RHOBTB1: variants seen among roughly 807,000 people sequenced by gnomAD.
RHOBTB1 encodes the protein Rho related BTB domain containing 1.
A neutral mutation model predicts 71.6 loss-of-function variants in RHOBTB1; 40 were observed. The observed-to-expected ratio is 0.56, with a 90% CI of 0.43 to 0.73. The LOEUF is 0.73. Among genes scored for constraint, RHOBTB1 ranks in the 30% least tolerant of loss-of-function variants. RHOBTB1 has a pLI of 0.00. For missense variants in RHOBTB1, 797 were observed against 894.0 expected (o/e 0.89, Z 1.38); for synonymous variants, 319 against 334.9 (o/e 0.95, Z 0.52).
At position 60,886,111 on chromosome 10, in the gene RHOBTB1, C is replaced by G. The variant is rs1295974020; in HGVS notation, c.1575+1G>C. The G allele has an allele frequency of 1.2e-6, 2 of 1,607,408 alleles. No individual in the cohort carries two copies. The highest frequency in any genetic ancestry group is 1.7e-6 in the Non-Finnish European group (2 of 1,174,060). On this transcript the variant is annotated splice_donor_variant, in intron 7 of 10. Coordinates refer to ENST00000337910, the MANE Select transcript of RHOBTB1 (RefSeq NM_014836.5). LOFTEE classifies it high-confidence loss of function. Reference sequence around the variant, plus strand: ...CACTATGCTTTTAGGAAGGCACGTACCTCACTGTTGGCACTTTCCACAAAT... The same window carrying G: ...CACTATGCTTTTAGGAAGGCACGTAGCTCACTGTTGGCACTTTCCACAAAT...
At chr10:60,889,866 G>T (rs148777946) in intron 5 of RHOBTB1, among the ~76,000 whole-genome samples, 4 of 152,324 alleles carry the variant, frequency 2.6e-5, no homozygotes, top group East Asian at 1.9e-4. Flanking sequence ...TTTGTCGACA[G>T]TAAGTGCCTG....
chr10:60,918,647 G>A (rs1449124364), intron 2 of RHOBTB1, among the ~76,000 whole-genome samples: 1 of 152,180 alleles, frequency 6.6e-6, no homozygotes, highest in Non-Finnish European at 1.5e-5. Flanking sequence ...AACCCCACTA[G>A]GGGTCTCCTA....
chr10:60,926,046 C>T (rs1359374310), intron 2 of RHOBTB1, among the ~76,000 whole-genome samples: 1 of 152,020 alleles, frequency 6.6e-6, no homozygotes, highest in Non-Finnish European at 1.5e-5. Context: ...GCCGGACCAA[C>T]ATGGTGCACC....
At chr10:60,929,127 T>C (rs1216748373) in intron 2 of RHOBTB1, among the ~76,000 whole-genome samples, 2 of 152,088 alleles carry the variant, frequency 1.3e-5, no homozygotes, top group African/African-American at 4.8e-5. Flanking sequence ...TTCAATCACC[T>C]CCCACCAGGC....
intron 2 of RHOBTB1, among the ~76,000 whole-genome samples, chr10:60,962,572 T>C (rs2085819811): frequency 6.6e-6 from 1 of 152,190 alleles, no homozygotes; most frequent in Non-Finnish European, 1.5e-5. Flanking sequence ...AAGCAAATTA[T>C]ATAGTATTTT....
downstream of RHOBTB1, among the ~76,000 whole-genome samples, chr10:60,868,131 A>G (rs2080647898): frequency 6.6e-6 from 1 of 152,086 alleles, no homozygotes; most frequent in African/African-American, 2.4e-5. Context: ...ACACATAGAC[A>G]TACAACACAA....
chr10:60,895,565 C>T (rs1250374585), intron 4 of RHOBTB1, among the ~76,000 whole-genome samples: 3 of 152,096 alleles, frequency 2.0e-5, no homozygotes, highest in South Asian at 2.1e-4. Flanking sequence ...CCACCATGCC[C>T]GGCTAATTTT....
chr10:60,872,819 T>C (rs141577627), intron 9 of RHOBTB1, among the ~76,000 whole-genome samples: 242 of 152,176 alleles, frequency 1.6e-3, no homozygotes, highest in African/African-American at 5.7e-3. Context: ...ATCCAGATAC[T>C]CCACCCTTCC....
downstream of RHOBTB1, among the ~76,000 whole-genome samples, chr10:60,867,873 T>C (rs1181096736): frequency 2.0e-5 from 3 of 152,202 alleles, no homozygotes; most frequent in Non-Finnish European, 4.4e-5. Context: ...ATGATGCATA[T>C]ATCACCTGCT....
At chr10:60,950,234 AT>A (rs1219353325) in intron 2 of RHOBTB1, among the ~76,000 whole-genome samples, 4 of 152,246 alleles carry the variant, frequency 2.6e-5, no homozygotes, top group Non-Finnish European at 5.9e-5. Flanking sequence ...AATTTAATGT[AT>A]AATGTGTATC....
rs143150912 is a variant in RHOBTB1, at chr10:60,920,718, C to T, written c.-10-9166G>A. ...AGGCTAGAGTGCAGTGGCACAATCT[C>T]GGCTCACTGCAACCCCTACCTCCAC... On this transcript the variant is annotated intron_variant, in intron 2 of 10. Transcript: ENST00000337910. 3.5e-3 allele frequency among the ~76,000 whole-genome samples: 525 copies of T among 151,676 alleles called. 7 individuals are homozygous for T. The highest frequency in any genetic ancestry group is 0.011 in the African/African-American group (475 of 41,352).
chr10:60,990,726 G>C (rs1284747085), intron 1 of RHOBTB1, among the ~76,000 whole-genome samples: 1 of 152,084 alleles, frequency 6.6e-6, no homozygotes, highest in African/African-American at 2.4e-5. Context: ...GCCATTATGG[G>C]TTTGATTTCC....
At chr10:60,896,967 C>CA (rs1291261530) in intron 4 of RHOBTB1, among the ~76,000 whole-genome samples, 3 of 149,360 alleles carry the variant, frequency 2.0e-5, no homozygotes, top group Non-Finnish European at 4.5e-5. Flanking sequence ...TTTAAACAAA[C>CA]AAAAAAAAGC....
chr10:60,984,995 A>C (rs2086614891), intron 2 of RHOBTB1, among the ~76,000 whole-genome samples: 1 of 152,198 alleles, frequency 6.6e-6, no homozygotes, highest in African/African-American at 2.4e-5. Context: ...TGAAGTTACT[A>C]TATGTAGTTA....
chr10:60,985,700 C>A (rs1020235106), intron 2 of RHOBTB1: 1 of 152,090 alleles, frequency 6.6e-6, no homozygotes, highest in African/African-American at 2.4e-5. Flanking sequence ...CGAAATATTT[C>A]TATTTTTTGT....
At chr10:60,913,816 T>C (rs2083121963) in intron 2 of RHOBTB1, among the ~76,000 whole-genome samples, 1 of 152,204 alleles carries the variant, frequency 6.6e-6, no homozygotes, top group Non-Finnish European at 1.5e-5. Context: ...CATTGGACTT[T>C]GGGCAAGTTG....
chr10:60,994,817 A>G (rs570015285), intron 1 of RHOBTB1, among the ~76,000 whole-genome samples: 53 of 152,230 alleles, frequency 3.5e-4, no homozygotes, highest in African/African-American at 1.3e-3. Context: ...TAAGTTTATG[A>G]GCCAAGTAAA....
Position 60,927,538 on chromosome 10 carries a change from AG to A in RHOBTB1, c.-11+14265del, listed in dbSNP as rs1265830913. On this transcript the variant is annotated intron_variant, in intron 2 of 10. Coordinates refer to ENST00000337910, the MANE Select transcript of RHOBTB1 (RefSeq NM_014836.5). ...GACACACTGACCAATGGAAGAGAATAGAGAACCCAGAAAAAAATTCCCACAT... is the reference window on the plus strand; with the variant it reads ...GACACACTGACCAATGGAAGAGAATAAGAACCCAGAAAAAAATTCCCACAT... Among the ~76,000 whole-genome samples the A allele has an allele frequency of 2.6e-5, 4 of 152,216 alleles. No homozygotes were observed. The East Asian group carries it at 7.7e-4, about 29-fold the overall frequency.
At chr10:60,997,292 G>A (rs1589486676) in intron 1 of RHOBTB1, among the ~76,000 whole-genome samples, 2 of 152,148 alleles carry the variant, frequency 1.3e-5, no homozygotes, top group South Asian at 2.1e-4. Context: ...TGAGATCTTC[G>A]GACCATTTGA....
Sources: gnomAD v4.1 joint callset for allele counts (sites outside exome capture counted in the v4.1 genomes callset) on GRCh38, gnomAD v4.1.1 for gene constraint, MANE v1.5 for transcripts, NCBI Gene and HGNC (gene_info 2026-07-23, HGNC 2026-07-21) for gene names.